The following DEPDC5 variants were observed in gnomAD, a reference collection of about 807,000 sequenced individuals.
DEPDC5 encodes the protein GATOR1 complex protein DEPDC5.
A neutral mutation model predicts 217.3 loss-of-function variants in DEPDC5; 73 were observed. That is an observed-to-expected ratio of 0.34 (90% CI 0.28 to 0.41). The LOEUF is 0.41. Among genes scored for constraint, DEPDC5 ranks in the 10% least tolerant of loss-of-function variants. The pLI, the probability that DEPDC5 is intolerant of heterozygous loss-of-function variation, is 1.00. For synonymous variants in DEPDC5, 733 were observed against 756.7 expected (o/e 0.97, Z 0.51); for missense variants, 1,675 against 2,070.1 (o/e 0.81, Z 3.70).
intron 25 of DEPDC5, among the ~76,000 whole-genome samples, chr22:31,836,172 T>G (rs2148944509): frequency 6.6e-6 from 1 of 152,388 alleles, no homozygotes; most frequent in East Asian, 1.9e-4. Context: ...TGTCAATGCC[T>G]GCAGACATTT....
At chr22:31,757,580 A>T (rs1298318707) in intron 2 of DEPDC5, 1 of 152,188 alleles carries the variant, frequency 6.6e-6, no homozygotes, top group Non-Finnish European at 1.5e-5. Flanking sequence ...TTATATTTGA[A>T]ATCTAGATAA....
intron 32 of DEPDC5, among the ~76,000 whole-genome samples, chr22:31,861,015 TC>T (rs2092488502): frequency 6.6e-6 from 1 of 151,982 alleles, no homozygotes; most frequent in African/African-American, 2.4e-5. Context: ...GGTGAGAGCA[TC>T]CAAGCCACAC....
At chr22:31,770,130 A>C (rs1400015524) in intron 7 of DEPDC5, among the ~76,000 whole-genome samples, 1 of 146,892 alleles carries the variant, frequency 6.8e-6, no homozygotes, top group Non-Finnish European at 1.5e-5. Context: ...GCTACTCAGG[A>C]GGCTGAGGTG....
intron 20 of DEPDC5, 81 bp downstream of exon 20, chr22:31,810,722 C>T (rs1468256464): frequency 3.2e-5 from 49 of 1,551,532 alleles, no homozygotes; most frequent in Non-Finnish European, 3.7e-5. Context: ...TCTAAGAGAG[C>T]AACCTTGAAA....
chr22:31,809,539 A>G (rs1315144193), intron 18 of DEPDC5, 72 bp from the exon 19 acceptor site: 12 of 1,533,502 alleles, frequency 7.8e-6, no homozygotes, highest in Non-Finnish European at 1.1e-5. Flanking sequence ...AGCAGCACAT[A>G]TATACTGTGC....
chr22:31,854,129 G>A (rs1313165187), intron 31 of DEPDC5, among the ~76,000 whole-genome samples: 7 of 152,152 alleles, frequency 4.6e-5, no homozygotes, highest in Admixed American at 4.6e-4. Flanking sequence ...ATGTTCTCAT[G>A]TATGTTCTCA....
intron 10 of DEPDC5, among the ~76,000 whole-genome samples, chr22:31,790,746 T>C (rs2085521671): frequency 6.9e-6 from 1 of 144,772 alleles, no homozygotes; most frequent in Non-Finnish European, 1.5e-5. Flanking sequence ...TTTTTTTTTT[T>C]CTTTTTTTTT....
rs746658314 is a variant in DEPDC5 at position 31,874,288 on chromosome 22, G to A, written c.3579G>A (p.Leu1193=). The part of the protein sequence containing the change: ...AMKHPSTGVQ[L]LSEQKGLSPY... ...TGGAACCCAGGACAGGAGTCCAGCTGCTCTCTGAACAGAAGGGCCTCTCAC... is the reference window on the plus strand; with the variant it reads ...TGGAACCCAGGACAGGAGTCCAGCTACTCTCTGAACAGAAGGGCCTCTCAC... Residue 1193 remains leucine (L), a synonymous_variant, in exon 36 of 43, where the codon CTG becomes CTA. Transcript: ENST00000651528. The A allele has an allele frequency of 6.2e-7, 1 of 1,607,316 alleles. No individual in the cohort carries two copies. Among genetic ancestry groups the A allele is most frequent in the East Asian group, 2.2e-5 (1 of 44,608 alleles).
intron 18 of DEPDC5, among the ~76,000 whole-genome samples, chr22:31,809,153 A>G (rs1283044314): frequency 6.6e-6 from 1 of 152,120 alleles, no homozygotes; most frequent in Non-Finnish European, 1.5e-5. Flanking sequence ...CTACCCTTGT[A>G]CTTCATTTCA....
chr22:31,832,979 A>G (rs539649217), intron 24 of DEPDC5, among the ~76,000 whole-genome samples: 148 of 152,308 alleles, frequency 9.7e-4, no homozygotes, highest in African/African-American at 3.4e-3. Context: ...TTTACCTCCT[A>G]TCCCTTCCTC....
intron 24 of DEPDC5, among the ~76,000 whole-genome samples, chr22:31,828,114 C>G (rs1202771178): frequency 6.6e-6 from 1 of 152,122 alleles, no homozygotes; most frequent in Non-Finnish European, 1.5e-5. Flanking sequence ...CCATGACTGT[C>G]AGGATTTTTG....
At position 31,901,758 on chromosome 22, in the gene DEPDC5, G is replaced by C; in HGVS notation, c.4392G>C (p.Thr1464=). 1.2e-6 allele frequency: 2 copies of C among 1,613,304 alleles called. No individual in the cohort carries two copies. The highest frequency in any genetic ancestry group is 1.7e-6 in the Non-Finnish European group (2 of 1,179,596). ...TCCTTTCAGGCTTTGAACCCGAAAC[G>C]TACTGGGATCGAATGCACCTCTTCC... ...EHLFDSFEPE[T]YWDRMHLFQE... The change falls in exon 41 of 43, where the codon ACG becomes ACC. Residue 1464 remains threonine, a synonymous_variant. Transcript: ENST00000651528.
intron 28 of DEPDC5, 80 bp downstream of exon 28, chr22:31,843,292 T>G: frequency 1.5e-6 from 2 of 1,379,222 alleles, no homozygotes; most frequent in Non-Finnish European, 2.0e-6. Context: ...TAGTACATCA[T>G]TCAAACTGAG....
At chr22:31,887,419 C>CAAA (rs567430576) in intron 38 of DEPDC5, among the ~76,000 whole-genome samples, 5 of 65,674 alleles carry the variant, frequency 7.6e-5, no homozygotes, top group Admixed American at 1.8e-4. Context: ...AACTCTGTCT[C>CAAA]AAAAAAAAAA....
chr22:31,902,774 C>T (rs746250183), intron 41 of DEPDC5, among the ~76,000 whole-genome samples: 3 of 152,082 alleles, frequency 2.0e-5, no homozygotes, highest in African/African-American at 4.8e-5. Context: ...TTACCCCTCA[C>T]GGGGAAGCTG....
intron 13 of DEPDC5, 50 bp from the exon 14 acceptor site, chr22:31,798,532 A>AT: frequency 6.6e-7 from 1 of 1,525,736 alleles, no homozygotes; most frequent in Non-Finnish European, 9.0e-7. Flanking sequence ...TAAAAAAAAA[A>AT]GTTCATGTTT....
chr22:31,902,407 ATTATATAT>A (rs1569244004), intron 41 of DEPDC5, among the ~76,000 whole-genome samples: 1 of 69,348 alleles, frequency 1.4e-5, no homozygotes, highest in African/African-American at 9.5e-5. Context: ...TCATCTCCTT[ATTATATAT>A]ATATATATAT....
intron 38 of DEPDC5, chr22:31,890,401 A>G (rs774127187): frequency 6.6e-6 from 1 of 152,032 alleles, no homozygotes; most frequent in Non-Finnish European, 1.5e-5. Context: ...ACTACTGAAA[A>G]CCATATATCA....
chr22:31,851,114 C>A (rs886535558), intron 31 of DEPDC5, among the ~76,000 whole-genome samples: 9 of 151,856 alleles, frequency 5.9e-5, no homozygotes, highest in Non-Finnish European at 1.2e-4. Context: ...ACACAGGGTC[C>A]ACATCTGCAC....
Sources: gnomAD v4.1 joint callset for allele counts (sites outside exome capture counted in the v4.1 genomes callset) on GRCh38, gnomAD v4.1.1 for gene constraint, MANE v1.5 for transcripts, NCBI Gene and HGNC (gene_info 2026-07-23, HGNC 2026-07-21) for gene names.